Variants in OPCML observed in about 807,000 individuals in gnomAD.
OPCML encodes the protein opioid-binding protein/cell adhesion molecule.
OPCML carries 13 observed loss-of-function variants against 37.8 expected under a neutral mutation model. That is an observed-to-expected ratio of 0.34 (90% CI 0.22 to 0.55). OPCML has a LOEUF of 0.55. Ranked by LOEUF, OPCML falls within the 20% of genes least tolerant of loss-of-function variation. The pLI is 0.91. For synonymous variants in OPCML, 176 were observed against 168.8 expected (o/e 1.04, Z -0.33); for missense variants, 341 against 435.6 (o/e 0.78, Z 1.93).
chr11:132,822,254 T>TCTCCCTCTCCCACCTCCCCCC, intron 2 of OPCML, among the ~76,000 whole-genome samples: 1 of 151,964 alleles, frequency 6.6e-6, no homozygotes, highest in African/African-American at 2.4e-5. Context: ...CCCTCCTCAC[T>TCTCCCTCTCCCACCTCCCCCC]CTCCCTCTCC....
intron 3 of OPCML, among the ~76,000 whole-genome samples, chr11:132,560,943 G>A (rs562270088): frequency 3.3e-5 from 5 of 151,692 alleles, no homozygotes; most frequent in Admixed American, 6.6e-5. Context: ...ATTTATCTTT[G>A]TTTTTGTTGC....
chr11:133,367,567 C>G (rs540041563), intron 1 of OPCML, among the ~76,000 whole-genome samples: 5 of 152,168 alleles, frequency 3.3e-5, no homozygotes, highest in Non-Finnish European at 7.3e-5. Flanking sequence ...TGCCAAAAGC[C>G]ACAGAGGCAT....
chr11:133,360,739 C>G (rs1188742338), intron 1 of OPCML: 1 of 152,218 alleles, frequency 6.6e-6, no homozygotes, highest in Non-Finnish European at 1.5e-5. Context: ...TTCCCCACGG[C>G]CACGTGGGGA....
intron 3 of OPCML, among the ~76,000 whole-genome samples, chr11:132,627,672 T>C (rs1372819146): frequency 6.6e-6 from 1 of 152,196 alleles, no homozygotes; most frequent in African/African-American, 2.4e-5. Context: ...AGATAAGTCA[T>C]GAAGCAACAT....
chr11:133,182,060 C>A (rs893553506), intron 1 of OPCML, among the ~76,000 whole-genome samples: 3 of 152,196 alleles, frequency 2.0e-5, no homozygotes, highest in African/African-American at 7.2e-5. Context: ...TGGAAGAATT[C>A]TCCCTTTAGG....
chr11:133,378,653 CTTTCT>C (rs1378403747), intron 1 of OPCML, among the ~76,000 whole-genome samples: 2 of 151,888 alleles, frequency 1.3e-5, no homozygotes, highest in Non-Finnish European at 2.9e-5. Context: ...ATGCGAATTT[CTTTCT>C]TTTCTTTCTT....
intron 1 of OPCML, among the ~76,000 whole-genome samples, chr11:133,462,093 A>T (rs145626840): frequency 1.3e-5 from 2 of 152,078 alleles, no homozygotes; most frequent in African/African-American, 4.8e-5. Context: ...TATGAAATTC[A>T]ACCCTTAATT....
chr11:132,593,074 A>C (rs1306312540), intron 3 of OPCML, among the ~76,000 whole-genome samples: 1 of 152,228 alleles, frequency 6.6e-6, no homozygotes, highest in Non-Finnish European at 1.5e-5. Context: ...AGAAAGTAAA[A>C]GACTATAAAG....
At chr11:132,745,931 AC>A (rs1192432400) in intron 2 of OPCML, among the ~76,000 whole-genome samples, 1 of 152,164 alleles carries the variant, frequency 6.6e-6, no homozygotes, top group East Asian at 1.9e-4. Context: ...GCGGGCAGGA[AC>A]ACTGGTGCCA....
At chr11:133,524,853 C>A (rs1422543836) in intron 1 of OPCML, among the ~76,000 whole-genome samples, 1 of 152,218 alleles carries the variant, frequency 6.6e-6, no homozygotes, top group Non-Finnish European at 1.5e-5. Flanking sequence ...AGCTGCTGGG[C>A]AGGCCAAACT....
intron 3 of OPCML, among the ~76,000 whole-genome samples, chr11:132,585,997 T>C (rs1275436170): frequency 6.6e-6 from 1 of 152,104 alleles, no homozygotes; most frequent in East Asian, 1.9e-4. Context: ...CAAAGCATCA[T>C]TACACCTGCC....
intron 3 of OPCML, among the ~76,000 whole-genome samples, chr11:132,640,561 C>G (rs567153360): frequency 1.3e-5 from 2 of 152,172 alleles, no homozygotes; most frequent in Admixed American, 6.5e-5. Flanking sequence ...ACATGCCAGA[C>G]GCATTCAATA....
intron 2 of OPCML, among the ~76,000 whole-genome samples, chr11:132,864,189 C>T (rs113338419): frequency 1.4e-4 from 22 of 152,280 alleles, no homozygotes; most frequent in African/African-American, 4.6e-4. Flanking sequence ...CCACCCTCCT[C>T]GGCCTCTCAT....
intron 2 of OPCML, among the ~76,000 whole-genome samples, chr11:132,678,668 T>C (rs963072523): frequency 6.6e-6 from 1 of 152,140 alleles, no homozygotes; most frequent in African/African-American, 2.4e-5. Context: ...CTACATGACA[T>C]TCTAGAAAAG....
intron 1 of OPCML, among the ~76,000 whole-genome samples, chr11:133,331,071 A>G (rs1565576367): frequency 6.6e-6 from 1 of 151,950 alleles, no homozygotes; most frequent in African/African-American, 2.4e-5. Context: ...GTGAGGATCC[A>G]GGAGTAAAAC....
intron 4 of OPCML, among the ~76,000 whole-genome samples, chr11:132,495,434 T>C (rs894680598): frequency 6.6e-6 from 1 of 152,206 alleles, no homozygotes; most frequent in Non-Finnish European, 1.5e-5. Context: ...GAAGGTTTAA[T>C]CCAAGAACTA....
chr11:133,120,919 C>T (rs371459311), intron 1 of OPCML, among the ~76,000 whole-genome samples: 1 of 152,138 alleles, frequency 6.6e-6, no homozygotes, highest in African/African-American at 2.4e-5. Context: ...CACTAAACAC[C>T]CCATCATATT....
intron 4 of OPCML, among the ~76,000 whole-genome samples, chr11:132,470,136 C>T (rs2096133327): frequency 6.6e-6 from 1 of 151,950 alleles, no homozygotes; most frequent in Non-Finnish European, 1.5e-5. Flanking sequence ...AAGATGACTA[C>T]TGAATAGAGA....
At chr11:133,330,526 G>A (rs1943594501) in intron 1 of OPCML, among the ~76,000 whole-genome samples, 1 of 152,196 alleles carries the variant, frequency 6.6e-6, no homozygotes, top group South Asian at 2.1e-4. Flanking sequence ...ATGAGTTCAT[G>A]TCCTTTGTAG....
Sources: allele counts gnomAD v4.1 joint callset (sites outside exome capture counted in the v4.1 genomes callset), GRCh38; gene constraint gnomAD v4.1.1; transcripts MANE v1.5; gene names NCBI Gene and HGNC (gene_info 2026-07-23, HGNC 2026-07-21).